HDX: variants seen among roughly 807,000 people sequenced by gnomAD.
HDX encodes the protein chromosome X open reading frame 43.
Under a neutral mutation model 45.2 loss-of-function variants are expected in HDX, and 19 were observed. The ratio of observed to expected loss-of-function variants is 0.42; its 90% CI spans 0.29 to 0.62. The LOEUF (loss-of-function observed/expected upper bound fraction) is 0.62, where lower values mean the gene tolerates loss of function less well. Among genes scored for constraint, HDX ranks in the 20% least tolerant of loss-of-function variants. HDX has a pLI of 0.20. For synonymous variants in HDX, 188 were observed against 172.8 expected (o/e 1.09, Z -0.69); for missense variants, 532 against 493.9 (o/e 1.08, Z -0.73).
chrX:84,394,663 A>G (rs2038517100), intron 5 of HDX, among the ~76,000 whole-genome samples: 1 of 111,265 alleles, frequency 9.0e-6, no homozygotes, highest in Non-Finnish European at 1.9e-5. Context: ...TTTGCCTCAT[A>G]TATCTAGGTG....
chrX:84,428,535 T>C, intron 5 of HDX, among the ~76,000 whole-genome samples: 1 of 110,984 alleles, frequency 9.0e-6, no homozygotes, highest in Non-Finnish European at 1.9e-5. Flanking sequence ...TGTGATGTCA[T>C]GTGTCTGGTT....
At chrX:84,486,552 T>C (rs1409339114) in intron 2 of HDX, among the ~76,000 whole-genome samples, 1 of 111,616 alleles carries the variant, frequency 9.0e-6, no homozygotes, top group African/African-American at 3.2e-5. Flanking sequence ...TTGCAAAAAC[T>C]TTTCTTAGGT....
At chrX:84,457,625 G>A (rs747296805) in intron 4 of HDX, among the ~76,000 whole-genome samples, 1 of 111,654 alleles carries the variant, frequency 9.0e-6, no homozygotes, top group South Asian at 3.7e-4. Context: ...TCTTCAGTCT[G>A]AATTAATACT....
At position 84,441,849 on chromosome X, in the gene HDX, A is replaced by T. The variant is rs772504642; in HGVS notation, c.1252-1264T>A. Among the ~76,000 whole-genome samples, 28 of 111,529 alleles carry T rather than the reference A, an allele frequency of 2.5e-4. 2 individuals are homozygous for T. The East Asian group carries it at 7.9e-3, about 31-fold the overall frequency. ...TTATGGATATATTCAAGTTCAATACATTCTCATTTACCTAAGTACTCACAC... is the reference window on the plus strand; with the variant it reads ...TTATGGATATATTCAAGTTCAATACTTTCTCATTTACCTAAGTACTCACAC... On this transcript the variant is annotated intron_variant, in intron 4 of 10. Transcript: ENST00000373177.
intron 5 of HDX, among the ~76,000 whole-genome samples, chrX:84,369,208 T>C (rs1031442678): frequency 1.8e-5 from 2 of 112,276 alleles, no homozygotes; most frequent in Non-Finnish European, 3.8e-5. Context: ...CTTAGCATAA[T>C]GTCCTCAAAG....
intron 5 of HDX, among the ~76,000 whole-genome samples, chrX:84,404,700 T>C (rs188051164): frequency 9.0e-6 from 1 of 111,616 alleles, no homozygotes; most frequent in East Asian, 2.8e-4. Flanking sequence ...CAAATATTTA[T>C]ACTTTTAACT....
chrX:84,490,891 G>A (rs1028191446), intron 1 of HDX, among the ~76,000 whole-genome samples: 2 of 109,878 alleles, frequency 1.8e-5, no homozygotes, highest in African/African-American at 3.3e-5. Context: ...CATTGTTTCC[G>A]TGAGATATAT....
At chrX:84,366,036 T>A (rs1838901072) in intron 5 of HDX, among the ~76,000 whole-genome samples, 1 of 111,245 alleles carries the variant, frequency 9.0e-6, no homozygotes, top group Non-Finnish European at 1.9e-5. Context: ...AGAGAGGAAG[T>A]CAAATTGTCT....
chrX:84,480,608 A>G (rs1381330505), intron 2 of HDX, among the ~76,000 whole-genome samples: 3 of 111,342 alleles, frequency 2.7e-5, no homozygotes, highest in African/African-American at 9.8e-5. Context: ...TTTTTCTTGC[A>G]TCTATTGAAA....
chrX:84,407,438 A>G (rs2038857702), intron 5 of HDX, among the ~76,000 whole-genome samples: 1 of 110,886 alleles, frequency 9.0e-6, no homozygotes, highest in East Asian at 2.8e-4. Context: ...AATGTTCCAC[A>G]TTTTCTTTAT....
chrX:84,422,542 G>A (rs1420093741), intron 5 of HDX, among the ~76,000 whole-genome samples: 3 of 109,222 alleles, frequency 2.7e-5, no homozygotes, highest in African/African-American at 1.0e-4. Flanking sequence ...AAAAAATTAA[G>A]TTGAAAAGGA....
intron 6 of HDX, among the ~76,000 whole-genome samples, chrX:84,355,023 C>G (rs1182951945): frequency 1.0e-5 from 1 of 99,932 alleles, no homozygotes; most frequent in African/African-American, 3.6e-5. Flanking sequence ...GCATTGAACT[C>G]AACCCCAAGG....
intron 5 of HDX, among the ~76,000 whole-genome samples, chrX:84,427,950 T>G (rs12559486): frequency 0.071 from 7,878 of 110,553 alleles, 336 homozygotes; most frequent in African/African-American, 0.16. Context: ...TCATCAACAC[T>G]TGGTATGATC....
intron 3 of HDX, 88 bp from the exon 4 acceptor site, chrX:84,469,663 T>C: frequency 1.3e-6 from 1 of 785,533 alleles, no homozygotes; most frequent in Non-Finnish European, 1.8e-6. Context: ...ATATTTTCAT[T>C]TGTCTTGGAA....
chrX:84,496,438 G>A (rs2041003131), intron 1 of HDX, among the ~76,000 whole-genome samples: 1 of 109,674 alleles, frequency 9.1e-6, no homozygotes, highest in South Asian at 4.0e-4. Context: ...TATCTAGTGT[G>A]GGGCCAGGAG....
At position 84,387,332 on chromosome X, in the gene HDX, C is replaced by T. The variant is rs1339045086; in HGVS notation, c.1306-25720G>A. ...ATTCTGTGGTTGCTGGACGGAGTGA[C>T]TTGTAATGTCTCTTAGGTCCAACTG... is the stretch of plus-strand genomic sequence containing the variant. On this transcript the variant is annotated intron_variant, in intron 5 of 10. Transcript: ENST00000373177. 3.6e-5 allele frequency among the ~76,000 whole-genome samples: 4 copies of T among 111,685 alleles called. No homozygotes were observed. In the East Asian group the frequency reaches 1.1e-3, roughly 31 times the overall value.
intron 5 of HDX, among the ~76,000 whole-genome samples, chrX:84,398,385 A>G: frequency 9.0e-6 from 1 of 111,722 alleles, no homozygotes; most frequent in Middle Eastern, 4.6e-3. Context: ...AGGAAAATTT[A>G]CCAAGCAAAT....
chrX:84,486,079 G>T (rs932273847), intron 2 of HDX, among the ~76,000 whole-genome samples: 1 of 111,552 alleles, frequency 9.0e-6, no homozygotes. Flanking sequence ...CATATTATTT[G>T]TTGTTTTCTG....
At position 84,379,885 on chromosome X, in the gene HDX, T is replaced by C. The variant is rs770780791; in HGVS notation, c.1306-18273A>G. Among the ~76,000 whole-genome samples the C allele has an allele frequency of 3.6e-5, 4 of 110,642 alleles. No homozygotes were observed. The South Asian group carries it at 1.1e-3, about 31-fold the overall frequency. On this transcript the variant is annotated intron_variant, in intron 5 of 10. Coordinates refer to ENST00000373177, the MANE Select transcript of HDX (RefSeq NM_001177479.2). ...TAAATAATAAAGATGAAACCAAAAA[T>C]GAAATTGAAATGAAGAAAACAATAC...
Sources: allele counts gnomAD v4.1 joint callset (sites outside exome capture counted in the v4.1 genomes callset), GRCh38; gene constraint gnomAD v4.1.1; transcripts MANE v1.5; gene names NCBI Gene and HGNC (gene_info 2026-07-23, HGNC 2026-07-21).